The following CEP63 variants were observed in gnomAD, a reference collection of about 807,000 sequenced individuals.
CEP63 encodes the protein centrosomal protein 63.
In CEP63, 84 loss-of-function variants were observed where a neutral mutation model predicts 89.1. The ratio of observed to expected loss-of-function variants is 0.94; its 90% CI spans 0.79 to 1.13. The LOEUF is 1.13. Ranked by LOEUF, CEP63 falls within the 50% of genes most tolerant of loss-of-function variation. CEP63 has a pLI of 0.00. For synonymous variants in CEP63, 267 were observed against 272.5 expected (o/e 0.98, Z 0.20); for missense variants, 838 against 813.3 (o/e 1.03, Z -0.37).
chr3:134,659,069 C>T, the CEP63 span, among the ~76,000 whole-genome samples: 1 of 152,158 alleles, frequency 6.6e-6, no homozygotes, highest in Non-Finnish European at 1.5e-5. Flanking sequence ...TTCCAAATTT[C>T]GGGTACTTTG....
the CEP63 span, among the ~76,000 whole-genome samples, chr3:134,657,165 T>C: frequency 6.6e-6 from 1 of 152,172 alleles, no homozygotes; most frequent in South Asian, 2.1e-4. Flanking sequence ...GACTCTTACA[T>C]GGCGGCAGCG....
the CEP63 span, among the ~76,000 whole-genome samples, chr3:134,618,204 A>G: frequency 6.6e-6 from 1 of 152,130 alleles, no homozygotes; most frequent in Non-Finnish European, 1.5e-5. Context: ...AGGCAGCACA[A>G]CAGGGGGTTT....
chr3:134,692,121 T>G, the CEP63 span, among the ~76,000 whole-genome samples: 1 of 152,276 alleles, frequency 6.6e-6, no homozygotes, highest in African/African-American at 2.4e-5. Flanking sequence ...AATTAATTTT[T>G]TATTATACTT....
chr3:134,714,029 G>T, the CEP63 span, among the ~76,000 whole-genome samples: 6 of 152,342 alleles, frequency 3.9e-5, no homozygotes, highest in Non-Finnish European at 8.8e-5. Flanking sequence ...CCCAGAGTGG[G>T]CTGGGGCCAA....
At chr3:134,628,846 C>T in the CEP63 span, among the ~76,000 whole-genome samples, 3 of 152,202 alleles carry the variant, frequency 2.0e-5, no homozygotes. Flanking sequence ...TCAGTCGACC[C>T]TAGAGCCTGC....
At chr3:134,572,817 T>A (rs999812590) in intron 11 of CEP63, among the ~76,000 whole-genome samples, 3 of 152,216 alleles carry the variant, frequency 2.0e-5, no homozygotes, top group African/African-American at 7.2e-5. Flanking sequence ...TTTAAGTTCA[T>A]TGAGAAATCT....
chr3:134,633,592 A>G, the CEP63 span, among the ~76,000 whole-genome samples: 1 of 152,262 alleles, frequency 6.6e-6, no homozygotes, highest in East Asian at 1.9e-4. Context: ...TAGGAATAAA[A>G]GGGAACTTTC....
At chr3:134,486,053 G>C (rs1935162277), upstream of CEP63, 2 of 985,468 alleles carry the variant, frequency 2.0e-6, no homozygotes. Flanking sequence ...CCGGATGTGG[G>C]TGAGTTCATT....
At chr3:134,688,525 A>G in the CEP63 span, among the ~76,000 whole-genome samples, 14 of 152,362 alleles carry the variant, frequency 9.2e-5, no homozygotes, top group African/African-American at 3.4e-4. Context: ...TTTATGGTAC[A>G]TAAACTGTAG....
In CEP63 at chr3:134,584,956, G is replaced by GTTTTT. The variant is rs780691730; in HGVS notation, c.1207-2488_1207-2484dup. On this transcript the variant is annotated intron_variant, in intron 10 of 10. Coordinates refer to the CEP63 transcript ENST00000683931. The stretch of plus-strand genomic sequence containing the variant: ...ATCCATTTCTTCTAGATTTTCTAGG[G>GTTTTT]TTTTTTTTTTTTTTTTTTGCATGGA... Among the ~76,000 whole-genome samples the GTTTTT allele has an allele frequency of 2.0e-3, 73 of 36,012 alleles. 3 individuals carry two copies. Among genetic ancestry groups the GTTTTT allele is most frequent in the Admixed American group, 5.4e-3 (14 of 2,580 alleles). The allele number at this position is 36,012 out of a possible 152,430, so 23.6% of individuals were successfully genotyped here. A position where few individuals can be genotyped will look rare whatever the true frequency, so the allele number is the denominator to read the frequency against.
chr3:134,495,112 T>G (rs1939334536), intron 1 of CEP63, among the ~76,000 whole-genome samples, 184 bp from the exon 2 acceptor site: 1 of 152,200 alleles, frequency 6.6e-6, no homozygotes, highest in African/African-American at 2.4e-5. Flanking sequence ...TCTGTTTTAG[T>G]CCGAAATAGT....
At chr3:134,604,075 T>C in the CEP63 span, 1 of 1,613,672 alleles carries the variant, frequency 6.2e-7, no homozygotes, top group Admixed American at 1.7e-5. Context: ...ATCATCCCCG[T>C]GGAGGGAAGC....
intron 13 of CEP63, among the ~76,000 whole-genome samples, chr3:134,558,660 T>G (rs1364132726): frequency 6.6e-6 from 1 of 152,214 alleles, no homozygotes; most frequent in Non-Finnish European, 1.5e-5. Context: ...AGAATTTGGC[T>G]TTTTATAAAC....
At chr3:134,505,790 G>A (rs1943304117) in intron 2 of CEP63, among the ~76,000 whole-genome samples, 1 of 152,176 alleles carries the variant, frequency 6.6e-6, no homozygotes, top group African/African-American at 2.4e-5. Context: ...GGCACAGCAG[G>A]CCTGTCCTCA....
At chr3:134,525,355 A>G (rs1487388566) in intron 3 of CEP63, among the ~76,000 whole-genome samples, 1 of 151,896 alleles carries the variant, frequency 6.6e-6, no homozygotes, top group Non-Finnish European at 1.5e-5. Flanking sequence ...ATGTTTTTTC[A>G]TGTCTCAGTC....
At chr3:134,664,598 TG>T in the CEP63 span, among the ~76,000 whole-genome samples, 1 of 152,088 alleles carries the variant, frequency 6.6e-6, no homozygotes, top group Non-Finnish European at 1.5e-5. Flanking sequence ...ATGGCAAGGA[TG>T]GGGCCATTTG....
downstream of CEP63, among the ~76,000 whole-genome samples, chr3:134,577,167 C>T (rs1383320631): frequency 1.3e-5 from 2 of 151,962 alleles, no homozygotes; most frequent in African/African-American, 4.8e-5. Context: ...AAACTGGCCA[C>T]CCATCATATG....
chr3:134,701,546 A>G, the CEP63 span, among the ~76,000 whole-genome samples: 1 of 151,496 alleles, frequency 6.6e-6, no homozygotes, highest in Non-Finnish European at 1.5e-5. Flanking sequence ...TGAGTAAAAT[A>G]CTATGGACAT....
In CEP63 at chr3:134,558,162, A is replaced by T; in HGVS notation, c.1488A>T (p.Ala496=). The T allele has an allele frequency of 6.2e-7, 1 of 1,613,578 alleles. No individual in the cohort carries two copies. The highest frequency in any genetic ancestry group is 8.5e-7 in the Non-Finnish European group (1 of 1,179,598). ...GLHEAKEISL[A]DLQENYIEAL... is the part of the protein sequence containing the mutation. Reference sequence around the variant, plus strand: ...ATTAGGCAAAAGAGATTTCACTAGCAGACCTCCAGGAGAATTATATTGAGG... The same window carrying T: ...ATTAGGCAAAAGAGATTTCACTAGCTGACCTCCAGGAGAATTATATTGAGG... The change falls in exon 13 of 15, where the codon GCA becomes GCT. Residue 496 remains alanine, a synonymous_variant. Coordinates refer to ENST00000675561, the MANE Select transcript of CEP63 (RefSeq NM_001353108.3).
Sources: allele counts gnomAD v4.1 joint callset (sites outside exome capture counted in the v4.1 genomes callset), GRCh38; gene constraint gnomAD v4.1.1; transcripts MANE v1.5; gene names NCBI Gene and HGNC (gene_info 2026-07-23, HGNC 2026-07-21).